RYR3: variants seen among roughly 807,000 people sequenced by gnomAD.
The protein encoded by RYR3 is brain ryanodine receptor-calcium release channel.
Under a neutral mutation model 584.3 loss-of-function variants are expected in RYR3, and 207 were observed. That is an observed-to-expected ratio of 0.35 (90% confidence interval 0.32 to 0.40). The LOEUF is 0.40. Among genes scored for constraint, RYR3 ranks in the 10% least tolerant of loss-of-function variants. RYR3 has a pLI of 1.00. For missense variants in RYR3, 5,616 were observed against 6,089.2 expected (o/e 0.92, Z 2.59); for synonymous variants, 2,416 against 2,248.5 (o/e 1.07, Z -2.11).
chr15:33,719,904 C>T (rs2067781398), intron 43 of RYR3, among the ~76,000 whole-genome samples: 1 of 152,174 alleles, frequency 6.6e-6, no homozygotes, highest in East Asian at 1.9e-4. Context: ...ATTCCTTCCA[C>T]CATCCCATTA....
At chr15:33,675,071 G>T (rs913670087) in intron 38 of RYR3, among the ~76,000 whole-genome samples, 2 of 152,218 alleles carry the variant, frequency 1.3e-5, no homozygotes, top group South Asian at 4.1e-4. Context: ...GTCCGGCCTG[G>T]GTGACAGAGC....
At chr15:33,572,442 G>T (rs1468504080) in intron 12 of RYR3, among the ~76,000 whole-genome samples, 2 of 151,374 alleles carry the variant, frequency 1.3e-5, no homozygotes, top group Non-Finnish European at 2.9e-5. Context: ...CCTGGATTTT[G>T]TCTTCTGCTT....
chr15:33,554,844 T>A (rs577219330), intron 10 of RYR3, among the ~76,000 whole-genome samples: 1 of 152,356 alleles, frequency 6.6e-6, no homozygotes, highest in Admixed American at 6.5e-5. Flanking sequence ...TTAGATGTCA[T>A]GACTCAATGT....
In RYR3 at chr15:33,853,665, G is replaced by A. The variant is rs748398395; in HGVS notation, c.13782G>A (p.Ala4594=). 1.2e-5 allele frequency: 19 copies of A among 1,613,628 alleles called. No homozygotes were observed. The highest frequency in any genetic ancestry group is 1.6e-4 in the Middle Eastern group (1 of 6,082). The change falls in exon 96 of 104, where the codon GCG becomes GCA. Residue 4594 remains alanine (A), a synonymous_variant. Coordinates refer to ENST00000634891, the MANE Select transcript of RYR3 (RefSeq NM_001036.6). Reference sequence around the variant, plus strand: ...CAGTAGAAGAGACCAAAGCAGAAGCGGCTTCTCTGGTGTCATGGTACAAAA... The same window carrying A: ...CAGTAGAAGAGACCAAAGCAGAAGCAGCTTCTCTGGTGTCATGGTACAAAA... ...FSPVEETKAE[A]ASLVSWLSSI...
intron 36 of RYR3, among the ~76,000 whole-genome samples, chr15:33,667,626 G>A (rs529319923): frequency 6.6e-6 from 1 of 151,882 alleles, no homozygotes; most frequent in Non-Finnish European, 1.5e-5. Context: ...GATTTCTATA[G>A]TTTTGATACC....
chr15:33,746,223 G>A (rs1040493648), intron 53 of RYR3, 66 bp downstream of exon 53: 13 of 1,057,148 alleles, frequency 1.2e-5, no homozygotes, highest in African/African-American at 3.2e-5. Flanking sequence ...GATTTTATCA[G>A]AGGAGTTCAG....
chr15:33,779,054 C>G (rs2074211958), intron 64 of RYR3, among the ~76,000 whole-genome samples: 1 of 152,178 alleles, frequency 6.6e-6, no homozygotes, highest in South Asian at 2.1e-4. Flanking sequence ...AAGGAATGCA[C>G]AGCTTTCTGC....
chr15:33,695,848 C>T (rs1390372922), intron 38 of RYR3, among the ~76,000 whole-genome samples: 2 of 150,926 alleles, frequency 1.3e-5, no homozygotes, highest in Non-Finnish European at 1.5e-5. Flanking sequence ...TGCAGTGATG[C>T]AGTGGTGGCT....
intron 1 of RYR3, among the ~76,000 whole-genome samples, chr15:33,425,753 T>C (rs2044577511): frequency 6.6e-6 from 1 of 151,186 alleles, no homozygotes. Context: ...GCCATTCTCC[T>C]GCCTCAGCCT....
chr15:33,319,068 C>A (rs111962818), intron 1 of RYR3, among the ~76,000 whole-genome samples: 1 of 152,186 alleles, frequency 6.6e-6, no homozygotes, highest in Non-Finnish European at 1.5e-5. Flanking sequence ...TGCACCCGAC[C>A]AGTGACAGGT....
chr15:33,676,806 T>TG (rs2064210409), intron 38 of RYR3, among the ~76,000 whole-genome samples: 1 of 152,184 alleles, frequency 6.6e-6, no homozygotes, highest in Non-Finnish European at 1.5e-5. Flanking sequence ...CTCATTGTAT[T>TG]GGGCTCCTGG....
chr15:33,852,701 C>A, intron 94 of RYR3: 1 of 204,882 alleles, frequency 4.9e-6, no homozygotes, highest in Non-Finnish European at 1.0e-5. Context: ...TTTTCTGTAG[C>A]ATTTTGTTTC....
intron 1 of RYR3, among the ~76,000 whole-genome samples, chr15:33,417,344 T>C (rs2043889719): frequency 1.3e-5 from 2 of 152,184 alleles, no homozygotes. Flanking sequence ...TCCATTTGTT[T>C]GTGTTGCTTA....
At chr15:33,375,339 G>A (rs1453373847) in intron 1 of RYR3, among the ~76,000 whole-genome samples, 1 of 152,212 alleles carries the variant, frequency 6.6e-6, no homozygotes, top group East Asian at 1.9e-4. Context: ...CCAGAGAGAT[G>A]TTGATTGTTT....
rs79710487 is a variant in RYR3, at chr15:33,342,485, T to C, written c.51+31389T>C. Among the ~76,000 whole-genome samples, 1,244 of 152,342 alleles carry C rather than the reference T, an allele frequency of 8.2e-3. 24 individuals carry two copies. Among genetic ancestry groups the C allele is most frequent in the African/African-American group, 0.028 (1,171 of 41,566 alleles). On this transcript the variant is annotated intron_variant, in intron 1 of 103. Coordinates refer to ENST00000634891, the MANE Select transcript of RYR3 (RefSeq NM_001036.6). ...TGTACCTGTTTGATGCATTTATATC[T>C]ATTGACTAAGTATTGAAAATATATT...
intron 38 of RYR3, among the ~76,000 whole-genome samples, chr15:33,673,054 C>G (rs931112417): frequency 1.3e-5 from 2 of 152,150 alleles, no homozygotes; most frequent in Non-Finnish European, 2.9e-5. Context: ...TCCACTGTAC[C>G]CTTGCCAAAG....
rs56127912 is a variant in RYR3, at chr15:33,355,182, C to CAAA, written c.51+44102_51+44104dup. On this transcript the variant is annotated intron_variant, in intron 1 of 103. Coordinates refer to ENST00000634891, the MANE Select transcript of RYR3 (RefSeq NM_001036.6). ...CTGAGGGACAAGAGTGAAACTCCCT[C>CAAA]AAAAAAAAAAAAAAAAAATCATGTA... Among the ~76,000 whole-genome samples the CAAA allele has an allele frequency of 1.3e-3, 167 of 126,088 alleles. 1 individual carries two copies. The highest frequency in any genetic ancestry group is 4.3e-3 in the Middle Eastern group (1 of 234). The allele number at this position is 126,088 out of a possible 152,430, so 82.7% of individuals were successfully genotyped here. A position where few individuals can be genotyped will look rare whatever the true frequency, so the allele number is the denominator to read the frequency against.
At chr15:33,647,139 C>CATATTAATATAAGT (rs1198473253) in intron 29 of RYR3, among the ~76,000 whole-genome samples, 1 of 152,218 alleles carries the variant, frequency 6.6e-6, no homozygotes, top group Non-Finnish European at 1.5e-5. Context: ...ATAACCTATT[C>CATATTAATATAAGT]AGAGGTATCC....
At position 33,710,339 on chromosome 15, in the gene RYR3, C is replaced by CT. The variant is rs58909445; in HGVS notation, c.6619+3307dup. Among the ~76,000 whole-genome samples the CT allele has an allele frequency of 2.5e-3, 280 of 112,430 alleles. 2 individuals are homozygous for CT. The highest frequency in any genetic ancestry group is 3.2e-3 in the Non-Finnish European group (181 of 56,090). The allele number at this position is 112,430 out of a possible 152,430, so 73.8% of individuals were successfully genotyped here. ...GTAGAGAGGCTGGAGGTGCCATACA[C>CT]TTTTTTTTTTTTTTTTTTTTTTGAG... On this transcript the variant is annotated intron_variant, in intron 43 of 103. Coordinates refer to ENST00000634891, the MANE Select transcript of RYR3 (RefSeq NM_001036.6).
Sources: allele counts gnomAD v4.1 joint callset (sites outside exome capture counted in the v4.1 genomes callset), GRCh38; gene constraint gnomAD v4.1.1; transcripts MANE v1.5; gene names NCBI Gene and HGNC (gene_info 2026-07-23, HGNC 2026-07-21).